The following PIK3CD variants were observed in gnomAD, a reference collection of about 807,000 sequenced individuals.
PIK3CD encodes the protein phosphatidylinositol-4,5-bisphosphate 3-kinase catalytic subunit delta.
Under a neutral mutation model 122.9 loss-of-function variants are expected in PIK3CD, and 20 were observed. The ratio of observed to expected loss-of-function variants is 0.16; its 90% CI spans 0.11 to 0.24. The LOEUF (loss-of-function observed/expected upper bound fraction) is 0.24. Among genes scored for constraint, PIK3CD ranks in the 10% least tolerant of loss-of-function variants. The pLI is 1.00. For missense variants in PIK3CD, 787 were observed against 1,406.3 expected (o/e 0.56, Z 7.04); for synonymous variants, 596 against 593.4 (o/e 1.00, Z -0.06).
chr1:9,695,932 A>G (rs960967256), intron 2 of PIK3CD, among the ~76,000 whole-genome samples: 1 of 151,920 alleles, frequency 6.6e-6, no homozygotes, highest in African/African-American at 2.4e-5. Context: ...TCTGAGGGAA[A>G]TTAATTCTGT....
At chr1:9,647,370 A>G (rs7520103), upstream of PIK3CD, among the ~76,000 whole-genome samples, 79,834 of 151,458 alleles carry the variant, frequency 0.53, 24,834 homozygotes, top group East Asian at 0.86. Flanking sequence ...CTCCAGCCTG[A>G]GTGACAGAGT....
At chr1:9,639,718 G>C in the PIK3CD span, among the ~76,000 whole-genome samples, 178 of 152,136 alleles carry the variant, frequency 1.2e-3, 2 homozygotes, top group African/African-American at 4.2e-3. Flanking sequence ...TTATCTTCAG[G>C]GTTTTTGTTT....
the PIK3CD span, among the ~76,000 whole-genome samples, chr1:9,637,021 C>T: frequency 2.0e-5 from 3 of 152,112 alleles, no homozygotes; most frequent in Non-Finnish European, 4.4e-5. Flanking sequence ...CCTCAGCCTC[C>T]TGAGTAGCTG....
chr1:9,704,587 A>T lies in PIK3CD; in HGVS notation c.-32-5837A>T, dbSNP rs371601961. Among the ~76,000 whole-genome samples, 26 of 152,340 alleles carry T rather than the reference A, an allele frequency of 1.7e-4. No individual in the cohort carries two copies. In the East Asian group the frequency reaches 4.8e-3, roughly 28 times the overall value. On this transcript the variant is annotated intron_variant, in intron 2 of 23. Coordinates refer to ENST00000377346, the MANE Select transcript of PIK3CD (RefSeq NM_005026.5). This position sits in a 1 kb window ranked among gnomAD's most constrained non-coding sequence, Gnocchi z 5.0. Reference sequence around the variant, plus strand: ...GAGTGCAGTGGCACAATCTCAGCTAACTGCAACCTCCACTTCCCTGGCTCA... The same window carrying T: ...GAGTGCAGTGGCACAATCTCAGCTATCTGCAACCTCCACTTCCCTGGCTCA...
At chr1:9,670,662 A>T (rs1489480391) in intron 1 of PIK3CD, among the ~76,000 whole-genome samples, 1 of 152,150 alleles carries the variant, frequency 6.6e-6, no homozygotes, top group African/African-American at 2.4e-5. Flanking sequence ...CACCTGGACC[A>T]AGTTATGGGT....
In PIK3CD at chr1:9,727,393, C is replaced by T; in HGVS notation, c.*347C>T. ...CCTTCTTCCCAGGCCTCCCGCCAGACTGCCTGGGTCCTGGCGCCTGGCGGT... is the reference window on the plus strand; with the variant it reads ...CCTTCTTCCCAGGCCTCCCGCCAGATTGCCTGGGTCCTGGCGCCTGGCGGT... On this transcript the variant is annotated 3_prime_UTR_variant, in exon 24 of 24. Transcript: ENST00000377346. The T allele has an allele frequency of 2.3e-6, 1 of 430,866 alleles. No individual in the cohort carries two copies. The highest frequency in any genetic ancestry group is 2.0e-5 in the African/African-American group (1 of 50,290). The allele number at this position is 430,866 out of a possible 1,614,324, so 26.7% of individuals were successfully genotyped here.
chr1:9,699,745 C>T (rs1428978361), intron 2 of PIK3CD, among the ~76,000 whole-genome samples: 4 of 152,104 alleles, frequency 2.6e-5, no homozygotes, highest in Admixed American at 1.3e-4. Flanking sequence ...TGTGCCACCA[C>T]GCCTGGCTAA....
In PIK3CD at chr1:9,727,389, C is replaced by T. The variant is rs1268110181; in HGVS notation, c.*343C>T. 1.2e-5 allele frequency: 5 copies of T among 433,900 alleles called. No homozygotes were observed. Among genetic ancestry groups the T allele is most frequent in the South Asian group, 2.1e-5 (1 of 46,608 alleles). The allele number at this position is 433,900 out of a possible 1,614,324, so 26.9% of individuals were successfully genotyped here. A position where few individuals can be genotyped will look rare whatever the true frequency, so the allele number is the denominator to read the frequency against. Reference sequence around the variant, plus strand: ...GGAACCTTCTTCCCAGGCCTCCCGCCAGACTGCCTGGGTCCTGGCGCCTGG... The same window carrying T: ...GGAACCTTCTTCCCAGGCCTCCCGCTAGACTGCCTGGGTCCTGGCGCCTGG... On this transcript the variant is annotated 3_prime_UTR_variant, in exon 24 of 24. Transcript: ENST00000377346.
intron 1 of PIK3CD, among the ~76,000 whole-genome samples, chr1:9,690,138 C>T (rs753037991): frequency 3.3e-5 from 5 of 152,108 alleles, no homozygotes; most frequent in Non-Finnish European, 7.4e-5. Flanking sequence ...GCCCCCTATT[C>T]GGGACGGAGC....
chr1:9,627,268 G>A, the PIK3CD span, among the ~76,000 whole-genome samples: 1 of 152,238 alleles, frequency 6.6e-6, no homozygotes, highest in African/African-American at 2.4e-5. Flanking sequence ...GGGAGACGCC[G>A]GCTGGGCGAC....
intron 1 of PIK3CD, among the ~76,000 whole-genome samples, chr1:9,669,907 C>G (rs1375312746): frequency 6.6e-6 from 1 of 152,146 alleles, no homozygotes; most frequent in Non-Finnish European, 1.5e-5. Context: ...GGCGCGGTGG[C>G]TCACGCCTGT....
At chr1:9,668,984 C>T (rs906730886) in intron 1 of PIK3CD, among the ~76,000 whole-genome samples, 4 of 152,118 alleles carry the variant, frequency 2.6e-5, no homozygotes, top group Admixed American at 1.3e-4. Context: ...TGGTTTCATT[C>T]AAGTCCAGAA....
At chr1:9,694,359 C>T (rs1646320317) in intron 2 of PIK3CD, among the ~76,000 whole-genome samples, 1 of 152,020 alleles carries the variant, frequency 6.6e-6, no homozygotes, top group Non-Finnish European at 1.5e-5. Flanking sequence ...CATGGCGAAA[C>T]CCCATCTCTA....
At chr1:9,632,638 G>A in the PIK3CD span, among the ~76,000 whole-genome samples, 5 of 152,170 alleles carry the variant, frequency 3.3e-5, no homozygotes, top group Non-Finnish European at 7.4e-5. Context: ...AGCATTCCAG[G>A]TGGGTTGGGT....
the PIK3CD span, among the ~76,000 whole-genome samples, chr1:9,641,033 T>TC: frequency 6.6e-6 from 1 of 152,100 alleles, no homozygotes; most frequent in South Asian, 2.1e-4. Context: ...TAGTCCCCCT[T>TC]CCCCTGTCTC....
intron 1 of PIK3CD, among the ~76,000 whole-genome samples, chr1:9,657,975 C>G (rs138056654): frequency 2.0e-5 from 3 of 152,126 alleles, no homozygotes; most frequent in South Asian, 2.1e-4. Flanking sequence ...TGGGCCCCCC[C>G]CTTGCATCAG....
chr1:9,702,214 C>T (rs149635319), intron 2 of PIK3CD, among the ~76,000 whole-genome samples: 2,338 of 151,942 alleles, frequency 0.015, 66 homozygotes, highest in African/African-American at 0.052. Flanking sequence ...AGGCTGGACT[C>T]GAACTCCTGA....
chr1:9,664,049 CTTTTT>C (rs754341558), intron 1 of PIK3CD, among the ~76,000 whole-genome samples: 2 of 101,772 alleles, frequency 2.0e-5, no homozygotes, highest in Non-Finnish European at 3.6e-5. Flanking sequence ...TTCTTTCTTT[CTTTTT>C]TTTTTTTTTT....
At chr1:9,659,533 A>G (rs978307592) in intron 1 of PIK3CD, among the ~76,000 whole-genome samples, 1 of 151,920 alleles carries the variant, frequency 6.6e-6, no homozygotes, top group African/African-American at 2.4e-5. Context: ...CCCCTTAAAC[A>G]CTAACTCCCC....
Sources: allele counts gnomAD v4.1 joint callset (sites outside exome capture counted in the v4.1 genomes callset), GRCh38; gene constraint gnomAD v4.1.1; non-coding constraint Gnocchi (gnomAD v3.1); transcripts MANE v1.5; gene names NCBI Gene and HGNC (gene_info 2026-07-23, HGNC 2026-07-21).